ALG13: variants seen among roughly 807,000 people sequenced by gnomAD.
The protein encoded by ALG13 is ALG13 UDP-N-acetylglucosaminyltransferase subunit, also known as UDP-N-acetylglucosamine transferase subunit ALG13.
A neutral mutation model predicts 87.8 loss-of-function variants in ALG13; 11 were observed. That is an observed-to-expected ratio of 0.13 (90% CI 0.08 to 0.21). The LOEUF (loss-of-function observed/expected upper bound fraction) is 0.21, where lower values mean the gene tolerates loss of function less well. ALG13 is among the 10% of genes least tolerant of loss of function. ALG13 has a pLI of 1.00. For synonymous variants in ALG13, 320 were observed against 306.3 expected (o/e 1.04, Z -0.47); for missense variants, 756 against 866.1 (o/e 0.87, Z 1.60).
chrX:111,700,038 G>GTTTTTTTTTTT (rs779900750), intron 3 of ALG13, among the ~76,000 whole-genome samples: 1 of 78,773 alleles, frequency 1.3e-5, no homozygotes, highest in Non-Finnish European at 2.5e-5. Flanking sequence ...TTATTTGTGG[G>GTTTTTTTTTTT]TTTTTTTTTT....
chrX:111,718,028 T>C (rs1034810536), intron 9 of ALG13, 84 bp from the exon 10 acceptor site: 47 of 1,082,420 alleles, frequency 4.3e-5, no homozygotes, highest in Non-Finnish European at 5.7e-5. Flanking sequence ...TTGGTACCTA[T>C]TTGCACGCAG....
intron 8 of ALG13, among the ~76,000 whole-genome samples, chrX:111,715,802 A>G (rs1437692186): frequency 8.9e-6 from 1 of 112,541 alleles, no homozygotes; most frequent in African/African-American, 3.2e-5. Flanking sequence ...ACAAACTTTC[A>G]TAGAAATAAA....
chrX:111,717,880 A>C lies in ALG13; in HGVS notation c.1040A>C (p.Asp347Ala). 8.3e-6 allele frequency: 10 copies of C among 1,207,502 alleles called. No individual in the cohort carries two copies. Among genetic ancestry groups the C allele is most frequent in the Non-Finnish European group, 1.1e-5 (10 of 893,070 alleles). Residue 347 changes from aspartate to alanine, a missense_variant, in exon 9 of 27, where the codon GAT (aspartate) becomes GCT (alanine). This residue lies in a region of ALG13 where 4 missense variants were observed against 17.2 expected (regional missense o/e 0.23). Coordinates refer to ENST00000394780, the MANE Select transcript of ALG13 (RefSeq NM_001099922.3). ...LLCYSSSGHYDSVYSKQFQSS... is the reference protein window; with the variant it reads ...LLCYSSSGHYASVYSKQFQSS... ...TGCTACTCAAGTAGTGGTCACTATG[A>C]TTCTGTGTACTCAAAACAATTTCAG...
At chrX:111,750,647 G>A (rs868806837) in intron 24 of ALG13, among the ~76,000 whole-genome samples, 9 of 108,837 alleles carry the variant, frequency 8.3e-5, no homozygotes, top group African/African-American at 3.1e-4. Context: ...TTGTTTGTTT[G>A]TTTATTTACT....
At chrX:111,759,382 G>T (rs990797699) in intron 26 of ALG13, among the ~76,000 whole-genome samples, 1 of 110,947 alleles carries the variant, frequency 9.0e-6, no homozygotes, top group Admixed American at 9.6e-5. Flanking sequence ...GATGTATACT[G>T]TAAAACTATT....
intron 3 of ALG13, among the ~76,000 whole-genome samples, chrX:111,706,122 T>A (rs1276191042): frequency 9.1e-6 from 1 of 110,134 alleles, no homozygotes; most frequent in Non-Finnish European, 1.9e-5. Flanking sequence ...TGGTGTGATC[T>A]CGGCTCATGC....
intron 6 of ALG13, 27 bp from the exon 7 acceptor site, chrX:111,712,456 TA>T: frequency 9.0e-7 from 1 of 1,105,774 alleles, no homozygotes; most frequent in South Asian, 2.2e-5. Context: ...GAATGTTTTT[TA>T]AAACTCAATA....
At chrX:111,733,699 C>T (rs182934629) in intron 21 of ALG13, among the ~76,000 whole-genome samples, 1 of 111,211 alleles carries the variant, frequency 9.0e-6, no homozygotes, top group African/African-American at 3.3e-5. Flanking sequence ...ACTTTTAGTT[C>T]TTTAAGGAAT....
chrX:111,691,368 TGG>T (rs1936118981), intron 3 of ALG13, among the ~76,000 whole-genome samples: 1 of 111,720 alleles, frequency 9.0e-6, no homozygotes, highest in Non-Finnish European at 1.9e-5. Flanking sequence ...CCAAAAGTGC[TGG>T]GATTACAGGC....
chrX:111,716,672 A>G (rs16986613), intron 8 of ALG13, among the ~76,000 whole-genome samples: 8,138 of 112,279 alleles, frequency 0.072, 738 homozygotes, highest in African/African-American at 0.25. Context: ...TTACTGAAAT[A>G]GAATTGTGAT....
At chrX:111,687,773 A>G in intron 3 of ALG13, 2 of 585,283 alleles carry the variant, frequency 3.4e-6, no homozygotes, top group Non-Finnish European at 5.2e-6. Flanking sequence ...TCACATGTGC[A>G]GTTTTTAGAA....
intron 1 of ALG13, chrX:111,681,742 C>G (rs894242080): frequency 1.2e-6 from 1 of 830,413 alleles, no homozygotes; most frequent in Non-Finnish European, 1.4e-6. Context: ...GGCTCCTTCC[C>G]CTCAGCACTT....
At chrX:111,729,826 A>T (rs1942474425) in intron 19 of ALG13, among the ~76,000 whole-genome samples, 1 of 112,114 alleles carries the variant, frequency 8.9e-6, no homozygotes, top group Non-Finnish European at 1.9e-5. Flanking sequence ...TGAAAAACAG[A>T]TGAGGCATAC....
At chrX:111,757,248 G>A (rs766188572) in intron 25 of ALG13, 3 of 152,756 alleles carry the variant, frequency 2.0e-5, no homozygotes, top group East Asian at 1.5e-4. Context: ...ATTTCATTAC[G>A]GGTATATAAT....
chrX:111,704,399 T>C (rs768371828), intron 3 of ALG13, among the ~76,000 whole-genome samples: 10 of 112,126 alleles, frequency 8.9e-5, no homozygotes, highest in African/African-American at 3.2e-4. Flanking sequence ...AACTTGCATG[T>C]GAATATTTAT....
chrX:111,750,895 C>T (rs182322317), intron 24 of ALG13, among the ~76,000 whole-genome samples: 465 of 109,721 alleles, frequency 4.2e-3, no homozygotes, highest in African/African-American at 0.015. Flanking sequence ...TCTCGAACTC[C>T]TGACCTCAAG....
At position 111,727,437 on chromosome X, in the gene ALG13, T is replaced by C. The variant is rs778640194; in HGVS notation, c.2082T>C (p.Tyr694=). The C allele has an allele frequency of 4.4e-5, 53 of 1,191,955 alleles. No homozygotes were observed. The highest frequency in any genetic ancestry group is 5.6e-5 in the Non-Finnish European group (49 of 880,556). The stretch of plus-strand genomic sequence containing the variant: ...GCCAGAGCTATGATAACTTCTCTTA[T>C]AGATCTCGGTAAGTATTGTGTTGAA... The part of the protein sequence containing the change: ...RCCQSYDNFS[Y]RSRSFRRSHR... Residue 694 remains tyrosine, a synonymous_variant, in exon 17 of 27, where the codon TAT becomes TAC. Coordinates refer to ENST00000394780, the MANE Select transcript of ALG13 (RefSeq NM_001099922.3).
At chrX:111,689,547 T>G (rs1406957251) in intron 3 of ALG13, 1 of 751,888 alleles carries the variant, frequency 1.3e-6, no homozygotes, top group Non-Finnish European at 1.6e-6. Context: ...TTGTTGTCAA[T>G]TGTGTGCAGT....
At chrX:111,749,823 T>G (rs1321268302) in intron 24 of ALG13, among the ~76,000 whole-genome samples, 1 of 111,907 alleles carries the variant, frequency 8.9e-6, no homozygotes, top group African/African-American at 3.2e-5. Context: ...CTTGGCTGAT[T>G]TATTAAAAAT....
Sources: allele counts gnomAD v4.1 joint callset (sites outside exome capture counted in the v4.1 genomes callset), GRCh38; gene constraint gnomAD v4.1.1; regional missense constraint gnomAD v4.1.1; transcripts MANE v1.5; gene names NCBI Gene and HGNC (gene_info 2026-07-23, HGNC 2026-07-21).